The following ZCCHC4 variants were observed in gnomAD, a reference collection of about 807,000 sequenced individuals.
The protein encoded by ZCCHC4 is zinc finger CCHC-type containing 4, also known as rRNA N(6)-adenosine-methyltransferase ZCCHC4.
In ZCCHC4, 54 loss-of-function variants were observed where a neutral mutation model predicts 67.7. The observed-to-expected ratio is 0.80, with a 90% confidence interval of 0.64 to 1.00. The LOEUF (loss-of-function observed/expected upper bound fraction) is 1.00, where lower values mean the gene tolerates loss of function less well. Among genes scored for constraint, ZCCHC4 ranks in the 50% least tolerant of loss-of-function variants. The pLI is 0.00. For missense variants in ZCCHC4, 609 were observed against 617.0 expected (o/e 0.99, Z 0.14); for synonymous variants, 198 against 213.5 (o/e 0.93, Z 0.63).
chr4:25,347,213 C>T (rs1720066157), intron 6 of ZCCHC4, among the ~76,000 whole-genome samples: 1 of 151,982 alleles, frequency 6.6e-6, no homozygotes, highest in African/African-American at 2.4e-5. Flanking sequence ...TGTTTTAATA[C>T]CATACTATGG....
chr4:25,364,758 G>A lies in ZCCHC4; in HGVS notation c.1261+253G>A, dbSNP rs143461909. Among the ~76,000 whole-genome samples, 495 of 152,306 alleles carry A rather than the reference G, an allele frequency of 3.3e-3. 3 individuals are homozygous for A. Among genetic ancestry groups the A allele is most frequent in the African/African-American group, 0.011 (478 of 41,576 alleles). On this transcript the variant is annotated intron_variant, in intron 11 of 12. Coordinates refer to ENST00000302874, the MANE Select transcript of ZCCHC4 (RefSeq NM_024936.3). Reference sequence around the variant, plus strand: ...TTTTAATAAGGCATTGTGTCACTCAGCCAGCCTCCATTGTAACAGTAGCTG... The same window carrying A: ...TTTTAATAAGGCATTGTGTCACTCAACCAGCCTCCATTGTAACAGTAGCTG...
Position 25,314,178 on chromosome 4 carries a change from T to C in ZCCHC4, c.246+14T>C. The C allele has an allele frequency of 6.5e-7, 1 of 1,534,422 alleles. No individual in the cohort carries two copies. Among genetic ancestry groups the C allele is most frequent in the Non-Finnish European group, 8.9e-7 (1 of 1,126,232 alleles). On this transcript the variant is annotated intron_variant, in intron 2 of 12. Coordinates refer to ENST00000302874, the MANE Select transcript of ZCCHC4 (RefSeq NM_024936.3). Reference sequence around the variant, plus strand: ...GAAGATGAAAAGGTATATCAACTTTTTGGATATTTATTTTTTATTTTTGGT... The same window carrying C: ...GAAGATGAAAAGGTATATCAACTTTCTGGATATTTATTTTTTATTTTTGGT...
chr4:25,319,234 A>G (rs1718444053), intron 3 of ZCCHC4, among the ~76,000 whole-genome samples: 1 of 151,856 alleles, frequency 6.6e-6, no homozygotes, highest in African/African-American at 2.4e-5. Context: ...ATACAAATAA[A>G]ATTAGCTGGG....
At chr4:25,326,808 T>G (rs1210431188) in intron 3 of ZCCHC4, among the ~76,000 whole-genome samples, 3 of 152,158 alleles carry the variant, frequency 2.0e-5, no homozygotes, top group Non-Finnish European at 4.4e-5. Flanking sequence ...TAGTATTGAG[T>G]TTTCTAGTCT....
chr4:25,344,619 AAAATAAAAT>A (rs1719914273), intron 5 of ZCCHC4, among the ~76,000 whole-genome samples: 1 of 151,774 alleles, frequency 6.6e-6, no homozygotes, highest in African/African-American at 2.4e-5. Flanking sequence ...TAATAATAAT[AAAATAAAAT>A]AAATAAAATA....
chr4:25,319,828 TAA>T (rs1255340611), intron 3 of ZCCHC4, among the ~76,000 whole-genome samples: 3 of 152,168 alleles, frequency 2.0e-5, no homozygotes, highest in Non-Finnish European at 4.4e-5. Context: ...AACGCATTTA[TAA>T]GTTAGCTTAT....
At chr4:25,320,552 T>TC in intron 3 of ZCCHC4, among the ~76,000 whole-genome samples, 1 of 152,336 alleles carries the variant, frequency 6.6e-6, no homozygotes, top group South Asian at 2.1e-4. Context: ...TGAATTTCTC[T>TC]CCCCCTGGGG....
In ZCCHC4 at chr4:25,361,892, G is replaced by A. The variant is rs752441073; in HGVS notation, c.1045G>A (p.Gly349Arg). The change falls in exon 9 of 13, where the codon GGA becomes AGA. Residue 349 changes from glycine to arginine, a missense_variant. Transcript: ENST00000302874. ...TGATAATCATGCACTTTATAAACAC[G>A]GAAAGACAGGTCGAAAACAGTCTCC... Reference protein sequence around the residue: ...DYDNHALYKHGKTGRKQSPVR... With the variant: ...DYDNHALYKHRKTGRKQSPVR... 2.4e-5 allele frequency: 39 copies of A among 1,613,354 alleles called. 1 individual carries two copies. The highest frequency in any genetic ancestry group is 9.4e-5 in the African/African-American group (7 of 74,854).
chr4:25,360,453 G>A (rs77116603), intron 8 of ZCCHC4, among the ~76,000 whole-genome samples: 1,598 of 152,324 alleles, frequency 0.01, 37 homozygotes, highest in African/African-American at 0.035. Flanking sequence ...GCTGAGCCCC[G>A]TTGTTCATTG....
chr4:25,321,518 T>G (rs10084799), intron 3 of ZCCHC4, among the ~76,000 whole-genome samples: 78,196 of 151,194 alleles, frequency 0.52, 21,568 homozygotes, highest in Non-Finnish European at 0.61. Context: ...GATTACAGGC[T>G]CCCGCCACCA....
intron 3 of ZCCHC4, among the ~76,000 whole-genome samples, chr4:25,325,932 A>C (rs1351645299): frequency 6.6e-6 from 1 of 152,190 alleles, no homozygotes; most frequent in Non-Finnish European, 1.5e-5. Context: ...AGAAAAAAAA[A>C]TACTTTTCCA....
At chr4:25,362,943 A>G (rs559134133) in intron 10 of ZCCHC4, among the ~76,000 whole-genome samples, 1 of 152,248 alleles carries the variant, frequency 6.6e-6, no homozygotes, top group South Asian at 2.1e-4. Flanking sequence ...ACACATGCAC[A>G]TTCTCCCCAA....
Position 25,357,592 on chromosome 4 carries a change from A to G in ZCCHC4, c.1012-4267A>G, listed in dbSNP as rs182886507. Among the ~76,000 whole-genome samples the G allele has an allele frequency of 2.0e-5, 3 of 152,290 alleles. 1 individual carries two copies. Among genetic ancestry groups the G allele is most frequent in the Admixed American group, 2.0e-4 (3 of 15,302 alleles). On this transcript the variant is annotated intron_variant, in intron 8 of 12. Transcript: ENST00000302874. ...GACAGGGCTGGAGAACGAGCCTAGG[A>G]ATCTCCCCTTAAAGGCCTCTCTTTC...
At chr4:25,351,727 A>C in intron 8 of ZCCHC4, 38 bp downstream of exon 8, 2 of 1,500,934 alleles carry the variant, frequency 1.3e-6, no homozygotes, top group Non-Finnish European at 1.8e-6. Context: ...TGGTTGGGGA[A>C]TGGAGATTCT....
At chr4:25,329,408 A>G (rs1032769321) in intron 3 of ZCCHC4, among the ~76,000 whole-genome samples, 4 of 148,932 alleles carry the variant, frequency 2.7e-5, no homozygotes, top group African/African-American at 9.9e-5. Flanking sequence ...CTGAGACCGT[A>G]CCTTCAAGTT....
In ZCCHC4 at chr4:25,333,242, A is replaced by G; in HGVS notation, c.389A>G (p.Gln130Arg). 1 of 1,614,168 alleles carries G rather than the reference A, an allele frequency of 6.2e-7. No homozygotes were observed. Among genetic ancestry groups the G allele is most frequent in the South Asian group, 1.1e-5 (1 of 91,082 alleles). ...TQRKFCQTCQ[Q>R]LLLPDDWGQH... ...AGAAAGTTTTGTCAAACATGTCAGC[A>G]GTTGTTGTTACCAGATGACTGGGGG... is the stretch of plus-strand genomic sequence containing the variant. Residue 130 changes from glutamine (Q) to arginine (R), a missense_variant, in exon 4 of 13, where the codon CAG becomes CGG. Physicochemically the swap from Gln to Arg is conservative, Grantham distance 43. Coordinates refer to ENST00000302874, the MANE Select transcript of ZCCHC4 (RefSeq NM_024936.3).
intron 8 of ZCCHC4, among the ~76,000 whole-genome samples, chr4:25,357,840 G>A (rs1195221120): frequency 2.0e-5 from 3 of 152,142 alleles, no homozygotes; most frequent in Admixed American, 2.0e-4. Flanking sequence ...GTGCCAGGAG[G>A]GCTTGTTAAA....
Position 25,365,024 on chromosome 4 carries a change from T to C in ZCCHC4, c.1264T>C (p.Trp422Arg). The change falls in exon 12 of 13, where the codon TGG (tryptophan) becomes CGG (arginine). Residue 422 changes from tryptophan to arginine, a missense_variant and splice_region_variant. By Grantham distance (101) the Trp-to-Arg change is moderately radical. Coordinates refer to ENST00000302874, the MANE Select transcript of ZCCHC4 (RefSeq NM_024936.3). ...AAAACTTAATTTTTATTTTACAGCC[T>C]GGATCCACTGTAGCATCTGCAATCA... The part of the protein sequence containing the change: ...FLCKKCVKPS[W>R]IHCSICNHCA... 1 of 1,613,052 alleles carries C rather than the reference T, an allele frequency of 6.2e-7. No individual in the cohort carries two copies. The highest frequency in any genetic ancestry group is 8.5e-7 in the Non-Finnish European group (1 of 1,179,718).
intron 5 of ZCCHC4, among the ~76,000 whole-genome samples, chr4:25,339,022 G>T (rs1719604280): frequency 1.3e-5 from 2 of 152,156 alleles, no homozygotes; most frequent in Admixed American, 6.5e-5. Context: ...GGTTTTAGCA[G>T]GTTTGGTTTC....
Sources: gnomAD v4.1 joint callset for allele counts (sites outside exome capture counted in the v4.1 genomes callset) on GRCh38, gnomAD v4.1.1 for gene constraint, MANE v1.5 for transcripts, NCBI Gene and HGNC (gene_info 2026-07-23, HGNC 2026-07-21) for gene names.